Variants in PSD3 observed in about 807,000 individuals in gnomAD.
PSD3 encodes the protein pleckstrin and Sec7 domain containing 3.
A neutral mutation model predicts 105.5 loss-of-function variants in PSD3; 49 were observed. That is an observed-to-expected ratio of 0.46 (90% CI 0.37 to 0.59). The LOEUF (loss-of-function observed/expected upper bound fraction) is 0.59, where lower values mean the gene tolerates loss of function less well. Ranked by LOEUF, PSD3 falls within the 20% of genes least tolerant of loss-of-function variation. The pLI is 0.00. For missense variants in PSD3, 1,561 were observed against 1,263.8 expected (o/e 1.24, Z -3.57); for synonymous variants, 557 against 457.8 (o/e 1.22, Z -2.77).
chr8:18,786,451 T>C lies in PSD3; in HGVS notation c.2082+12844A>G, dbSNP rs79809844. Reference sequence around the variant, plus strand: ...CTATGAAATCATACCTCATCCTAAATTCAGATTTACTTTAACTGCTTATTT... The same window carrying C: ...CTATGAAATCATACCTCATCCTAAACTCAGATTTACTTTAACTGCTTATTT... On this transcript the variant is annotated intron_variant, in intron 8 of 15. Coordinates refer to ENST00000327040, the MANE Select transcript of PSD3 (RefSeq NM_015310.4). Among the ~76,000 whole-genome samples the C allele has an allele frequency of 7.7e-3, 1,170 of 152,320 alleles. 9 individuals carry two copies. The highest frequency in any genetic ancestry group is 0.027 in the African/African-American group (1,130 of 41,572).
intron 2 of PSD3, among the ~76,000 whole-genome samples, chr8:18,927,373 C>T (rs1049764465): frequency 1.3e-5 from 2 of 152,112 alleles, no homozygotes; most frequent in African/African-American, 2.4e-5. Flanking sequence ...GCCACCATGC[C>T]TGGCTAATTT....
intron 8 of PSD3, chr8:18,774,837 G>A: frequency 4.4e-6 from 2 of 455,234 alleles, no homozygotes; most frequent in Non-Finnish European, 4.4e-6. Context: ...ATCTGGGACA[G>A]GTCTACCTTC....
At position 18,572,686 on chromosome 8, in the gene PSD3, A is replaced by C. The variant is rs1167744450; in HGVS notation, c.2640-14T>G. 6.2e-7 allele frequency: 1 copy of C among 1,612,984 alleles called. No individual in the cohort carries two copies. The highest frequency in any genetic ancestry group is 1.1e-5 in the South Asian group (1 of 90,976). The stretch of plus-strand genomic sequence containing the variant: ...TCCTCTGGGCTCCTATGAGAAATAG[A>C]TATGTTTATATCAGGATATTGCCAT... On this transcript the variant is annotated splice_polypyrimidine_tract_variant and intron_variant, in intron 13 of 15. Transcript: ENST00000327040.
At chr8:18,731,055 T>C (rs1398590025) in intron 9 of PSD3, among the ~76,000 whole-genome samples, 1 of 136,322 alleles carries the variant, frequency 7.3e-6, no homozygotes, top group African/African-American at 2.7e-5. Context: ...TAAACACTCT[T>C]CACCAGCCTG....
chr8:18,700,244 A>T (rs1001671234), intron 9 of PSD3, among the ~76,000 whole-genome samples: 1 of 152,156 alleles, frequency 6.6e-6, no homozygotes, highest in Non-Finnish European at 1.5e-5. Context: ...TTAAAAACAG[A>T]CCTCCTAATC....
intron 4 of PSD3, among the ~76,000 whole-genome samples, chr8:18,816,476 C>CACT (rs1812232615): frequency 1.3e-5 from 2 of 152,182 alleles, no homozygotes; most frequent in Admixed American, 6.5e-5. Flanking sequence ...GGTTATACTG[C>CACT]ACGCATAACT....
intron 14 of PSD3, among the ~76,000 whole-genome samples, chr8:18,565,564 A>C (rs1563327671): frequency 7.1e-6 from 1 of 140,520 alleles, no homozygotes; most frequent in Non-Finnish European, 1.6e-5. Context: ...TGTGTCTTGA[A>C]AAAGCACCAA....
At chr8:18,809,761 T>C (rs1197915898) in intron 4 of PSD3, among the ~76,000 whole-genome samples, 1 of 152,228 alleles carries the variant, frequency 6.6e-6, no homozygotes, top group Non-Finnish European at 1.5e-5. Context: ...TTTTCACTTG[T>C]TTCTGCGATT....
intron 4 of PSD3, among the ~76,000 whole-genome samples, chr8:18,855,761 T>C (rs183426091): frequency 2.0e-5 from 3 of 152,334 alleles, no homozygotes; most frequent in Non-Finnish European, 4.4e-5. Context: ...CAGCAGCTCA[T>C]GGTTACTTCA....
intron 9 of PSD3, among the ~76,000 whole-genome samples, chr8:18,756,015 C>G (rs1429772732): frequency 6.6e-6 from 1 of 152,140 alleles, no homozygotes; most frequent in African/African-American, 2.4e-5. Flanking sequence ...AAAAAAGCAG[C>G]AATATTCCAT....
chr8:18,903,340 C>T (rs779708297), intron 2 of PSD3, among the ~76,000 whole-genome samples: 1 of 152,116 alleles, frequency 6.6e-6, no homozygotes, highest in East Asian at 1.9e-4. Flanking sequence ...TGGCAGTGAT[C>T]GTCAGCATCT....
chr8:18,640,841 T>C (rs1807592578), intron 10 of PSD3, among the ~76,000 whole-genome samples: 1 of 152,174 alleles, frequency 6.6e-6, no homozygotes, highest in South Asian at 2.1e-4. Context: ...AACTCGACAC[T>C]TGCCCCCACT....
At chr8:19,004,069 A>G (rs1354870459) in intron 1 of PSD3, among the ~76,000 whole-genome samples, 1 of 152,074 alleles carries the variant, frequency 6.6e-6, no homozygotes, top group Non-Finnish European at 1.5e-5. Context: ...CTTGACAGAC[A>G]AGTTTGGGAA....
At chr8:19,048,423 G>A (rs1275105769) in intron 1 of PSD3, among the ~76,000 whole-genome samples, 1 of 152,300 alleles carries the variant, frequency 6.6e-6, no homozygotes, top group South Asian at 2.1e-4. Flanking sequence ...ATGGTAAATG[G>A]TAAAAACCAT....
At chr8:18,746,552 G>A (rs1805046081) in intron 9 of PSD3, among the ~76,000 whole-genome samples, 1 of 152,162 alleles carries the variant, frequency 6.6e-6, no homozygotes, top group African/African-American at 2.4e-5. Context: ...CTTGCGAAGT[G>A]ACCAAGAAGA....
intron 4 of PSD3, among the ~76,000 whole-genome samples, chr8:18,853,449 C>T (rs1167341744): frequency 3.9e-5 from 6 of 152,124 alleles, no homozygotes; most frequent in Non-Finnish European, 7.4e-5. Flanking sequence ...TCTTTAGCAT[C>T]GTTGACCTCA....
At chr8:18,544,020 C>A (rs987456728) in intron 15 of PSD3, among the ~76,000 whole-genome samples, 2 of 152,072 alleles carry the variant, frequency 1.3e-5, no homozygotes, top group African/African-American at 4.8e-5. Flanking sequence ...GCAACCAAAT[C>A]CTGAATACAT....
intron 10 of PSD3, among the ~76,000 whole-genome samples, chr8:18,644,011 C>G (rs911338390): frequency 3.9e-5 from 6 of 152,200 alleles, no homozygotes; most frequent in African/African-American, 1.2e-4. Context: ...TGAGGGGGCT[C>G]TGGTGGAGAG....
intron 9 of PSD3, among the ~76,000 whole-genome samples, chr8:18,681,820 T>C (rs965585726): frequency 5.9e-5 from 9 of 152,096 alleles, no homozygotes; most frequent in Admixed American, 2.6e-4. Flanking sequence ...TTGTGAGATA[T>C]TGGGAGCTTG....
Sources: gnomAD v4.1 joint callset for allele counts (sites outside exome capture counted in the v4.1 genomes callset) on GRCh38, gnomAD v4.1.1 for gene constraint, MANE v1.5 for transcripts, NCBI Gene and HGNC (gene_info 2026-07-23, HGNC 2026-07-21) for gene names.